The following CLSTN2 variants were observed in gnomAD, a reference collection of about 807,000 sequenced individuals.
The protein encoded by CLSTN2 is calsyntenin-2.
CLSTN2 carries 48 observed loss-of-function variants against 101.2 expected under a neutral mutation model. The ratio of observed to expected loss-of-function variants is 0.47; its 90% CI spans 0.38 to 0.60. The LOEUF (loss-of-function observed/expected upper bound fraction) is 0.60. CLSTN2 is among the 20% of genes least tolerant of loss of function. CLSTN2 has a pLI of 0.00. For missense variants in CLSTN2, 1,160 were observed against 1,238.2 expected, an observed-to-expected ratio of 0.94 and a Z score of 0.95; for synonymous variants, 481 against 463.6, an observed-to-expected ratio of 1.04 and a Z score of -0.48.
chr3:140,288,461 T>A (rs2107901470), intron 2 of CLSTN2, among the ~76,000 whole-genome samples: 1 of 152,222 alleles, frequency 6.6e-6, no homozygotes, highest in Non-Finnish European at 1.5e-5. Flanking sequence ...TAAACACCAT[T>A]TCCCAGGTGT....
At chr3:140,274,508 G>T (rs1229746260) in intron 2 of CLSTN2, among the ~76,000 whole-genome samples, 1 of 152,206 alleles carries the variant, frequency 6.6e-6, no homozygotes, top group Non-Finnish European at 1.5e-5. Context: ...GAACAAAAAG[G>T]TAGGAAGAGT....
At chr3:140,560,022 C>A (rs1297782314) in intron 12 of CLSTN2, among the ~76,000 whole-genome samples, 3 of 152,196 alleles carry the variant, frequency 2.0e-5, no homozygotes, top group Admixed American at 2.0e-4. Flanking sequence ...TCAGTGGTTG[C>A]AGGCCATGAC....
At chr3:140,193,261 G>GTTTTTTTTTTT (rs367933711) in intron 2 of CLSTN2, among the ~76,000 whole-genome samples, 2 of 87,444 alleles carry the variant, frequency 2.3e-5, no homozygotes, top group African/African-American at 4.4e-5. Context: ...CTTTTTTATA[G>GTTTTTTTTTTT]TTTTTTTTTT....
chr3:140,449,035 G>A (rs377263211), intron 6 of CLSTN2, among the ~76,000 whole-genome samples: 7 of 152,174 alleles, frequency 4.6e-5, no homozygotes, highest in Non-Finnish European at 1.0e-4. Context: ...AGAAACACGA[G>A]TTCCTTTCTG....
At chr3:140,225,168 C>T (rs1274972604) in intron 2 of CLSTN2, among the ~76,000 whole-genome samples, 1 of 152,192 alleles carries the variant, frequency 6.6e-6, no homozygotes, top group African/African-American at 2.4e-5. Flanking sequence ...GCAGACTCTC[C>T]ACCCTTCCCC....
At chr3:140,021,981 G>A (rs2007328029) in intron 1 of CLSTN2, among the ~76,000 whole-genome samples, 1 of 152,212 alleles carries the variant, frequency 6.6e-6, no homozygotes. Flanking sequence ...CCTGGGCACA[G>A]CTTTTCTGAC....
At chr3:139,978,210 T>C (rs1306133086) in intron 1 of CLSTN2, among the ~76,000 whole-genome samples, 3 of 152,212 alleles carry the variant, frequency 2.0e-5, no homozygotes, top group Non-Finnish European at 4.4e-5. Flanking sequence ...AAGTATCTGT[T>C]ATTGCCAGGC....
At chr3:140,562,765 T>C (rs759180481) in intron 13 of CLSTN2, 46 bp from the exon 14 acceptor site, 6 of 1,604,172 alleles carry the variant, frequency 3.7e-6, no homozygotes, top group Non-Finnish European at 5.1e-6. Context: ...CTTCTCTTCC[T>C]CCTCCTTTTC....
intron 1 of CLSTN2, among the ~76,000 whole-genome samples, chr3:140,057,909 A>T (rs2008125677): frequency 3.3e-5 from 5 of 152,180 alleles, no homozygotes; most frequent in Admixed American, 3.3e-4. Flanking sequence ...ATGGAAATGA[A>T]TGTTTATATT....
At chr3:140,474,430 G>T (rs556355479) in intron 8 of CLSTN2, among the ~76,000 whole-genome samples, 11 of 152,226 alleles carry the variant, frequency 7.2e-5, no homozygotes, top group Non-Finnish European at 1.2e-4. Context: ...CTCAGGACTA[G>T]GATCCCCATG....
At chr3:140,184,728 A>G (rs1239944850) in intron 2 of CLSTN2, among the ~76,000 whole-genome samples, 2 of 152,150 alleles carry the variant, frequency 1.3e-5, no homozygotes, top group Non-Finnish European at 2.9e-5. Context: ...GGTCAAAATT[A>G]TTCATACCCC....
intron 1 of CLSTN2, among the ~76,000 whole-genome samples, chr3:140,034,710 G>A (rs1302170917): frequency 2.0e-5 from 3 of 152,178 alleles, no homozygotes; most frequent in African/African-American, 7.2e-5. Flanking sequence ...TTGAAGTTTG[G>A]TATCTGTTGA....
intron 1 of CLSTN2, among the ~76,000 whole-genome samples, chr3:139,997,828 G>A (rs2006717078): frequency 6.6e-6 from 1 of 152,054 alleles, no homozygotes; most frequent in South Asian, 2.1e-4. Context: ...TTTGAATGGA[G>A]TTGCATCAGA....
intron 2 of CLSTN2, among the ~76,000 whole-genome samples, chr3:140,371,410 C>G (rs1471209136): frequency 6.6e-6 from 1 of 152,162 alleles, no homozygotes; most frequent in South Asian, 2.1e-4. Flanking sequence ...GCTGTCATAA[C>G]CAAGGACTGA....
chr3:140,005,483 C>T (rs1333936473), intron 1 of CLSTN2, among the ~76,000 whole-genome samples: 2 of 152,118 alleles, frequency 1.3e-5, no homozygotes, highest in Non-Finnish European at 2.9e-5. Flanking sequence ...CACCCCCTGC[C>T]CACCAGGACT....
intron 2 of CLSTN2, among the ~76,000 whole-genome samples, chr3:140,383,806 G>A (rs189092647): frequency 3.3e-5 from 5 of 152,328 alleles, no homozygotes; most frequent in African/African-American, 7.2e-5. Flanking sequence ...GAGATGGACC[G>A]TGTGGCTATA....
At chr3:140,158,445 C>T (rs916656546) in intron 1 of CLSTN2, among the ~76,000 whole-genome samples, 1 of 152,066 alleles carries the variant, frequency 6.6e-6, no homozygotes, top group Non-Finnish European at 1.5e-5. Context: ...ATCTCATTTA[C>T]ACTAGCTATG....
At chr3:139,968,047 CA>C (rs1173178574) in intron 1 of CLSTN2, among the ~76,000 whole-genome samples, 1 of 152,038 alleles carries the variant, frequency 6.6e-6, no homozygotes, top group Non-Finnish European at 1.5e-5. Flanking sequence ...TAGGTACAAT[CA>C]AAATATCTAA....
At chr3:140,365,934 T>TG (rs925000980) in intron 2 of CLSTN2, among the ~76,000 whole-genome samples, 44 of 152,328 alleles carry the variant, frequency 2.9e-4, no homozygotes, top group African/African-American at 1.0e-3. Flanking sequence ...TTCTTCCTCC[T>TG]GGGGGACCAC....
Sources: allele counts gnomAD v4.1 joint callset (sites outside exome capture counted in the v4.1 genomes callset), GRCh38; gene constraint gnomAD v4.1.1; transcripts MANE v1.5; gene names NCBI Gene and HGNC (gene_info 2026-07-23, HGNC 2026-07-21).